Variants in UNC80 observed in about 807,000 individuals in gnomAD.
UNC80 encodes unc-80 subunit of NALCN channel complex, also known as protein unc-80 homolog.
UNC80 carries 164 observed loss-of-function variants against 384.6 expected under a neutral mutation model. The ratio of observed to expected loss-of-function variants is 0.43; its 90% CI spans 0.38 to 0.49. The LOEUF is 0.49. Ranked by LOEUF, UNC80 falls within the 20% of genes least tolerant of loss-of-function variation. The pLI, the probability that UNC80 is intolerant of heterozygous loss-of-function variation, is 0.00. For synonymous variants in UNC80, 1,486 were observed against 1,527.8 expected (o/e 0.97, Z 0.64); for missense variants, 3,330 against 4,143.0 (o/e 0.80, Z 5.39).
chr2:209,833,509 C>CT (rs759238595), intron 16 of UNC80, among the ~76,000 whole-genome samples: 1 of 152,164 alleles, frequency 6.6e-6, no homozygotes, highest in East Asian at 1.9e-4. Flanking sequence ...CAGCAAAACA[C>CT]ATCATCCTTT....
At position 209,875,494 on chromosome 2, in the gene UNC80, C is replaced by A. The variant is rs1177918601; in HGVS notation, c.3841-2460C>A. Among the ~76,000 whole-genome samples, 5 of 152,186 alleles carry A rather than the reference C, an allele frequency of 3.3e-5. 1 individual carries two copies. On this transcript the variant is annotated intron_variant, in intron 23 of 64. Transcript: ENST00000673920. ...CAGAGTCCATGCTTGTCTCAGCATT[C>A]CTGGGTAGCTAGTACAACATCCCTG...
chr2:209,889,475 C>A (rs1168160423), intron 26 of UNC80, among the ~76,000 whole-genome samples: 1 of 152,090 alleles, frequency 6.6e-6, no homozygotes, highest in African/African-American at 2.4e-5. Context: ...TGTTTCTGTC[C>A]CTCTGTCCCT....
In UNC80 at chr2:209,978,679, T is replaced by C. The variant is rs1027652435; in HGVS notation, c.9089T>C (p.Leu3030Pro). The change falls in exon 59 of 65, where the codon CTG becomes CCG. Residue 3030 changes from leucine (L) to proline (P), a missense_variant. Physicochemically the swap from Leu to Pro is moderately conservative, Grantham distance 98. Around this residue, in one of 8 missense-constraint regions of UNC80, gnomAD observed 216 missense variants for 245.3 expected, o/e 0.88. Transcript: ENST00000673920. ...EPSQQASQDT[L>P]SRTDEEDEEN... ...TCCCAGCAGGCTTCGCAGGACACCC[T>C]GAGTCGGACTGATGAGGAAGATGAG... is the stretch of plus-strand genomic sequence containing the variant. The C allele has an allele frequency of 1.3e-6, 2 of 1,547,028 alleles. No individual in the cohort carries two copies. The highest frequency in any genetic ancestry group is 1.7e-6 in the Non-Finnish European group (2 of 1,143,380).
In UNC80 at chr2:209,896,404, G is replaced by A. The variant is rs200541732; in HGVS notation, c.4572G>A (p.Ser1524=). The change falls in exon 28 of 65, where the codon TCG becomes TCA. Residue 1524 remains serine, a synonymous_variant. Transcript: ENST00000673920. ...GAEENYHRNM[S]WLHVMILLCN... ...AGGAGAATTACCACAGAAACATGTC[G>A]TGGCTTCATGTAAGTAGGAATCTCA... 1,977 of 1,551,424 alleles carry A rather than the reference G, an allele frequency of 1.3e-3. 4 individuals carry two copies. Among genetic ancestry groups the A allele is most frequent in the Non-Finnish European group, 1.6e-3 (1,857 of 1,146,824 alleles).
intron 7 of UNC80, among the ~76,000 whole-genome samples, chr2:209,810,878 C>G (rs2153827055): frequency 6.6e-6 from 1 of 152,164 alleles, no homozygotes; most frequent in African/African-American, 2.4e-5. Flanking sequence ...CCTAAAATTA[C>G]CCAGCTGGTA....
intron 25 of UNC80, 83 bp from the exon 26 acceptor site, chr2:209,888,012 T>A: frequency 1.4e-6 from 2 of 1,397,694 alleles, no homozygotes; most frequent in Non-Finnish European, 1.9e-6. Flanking sequence ...TGTGTATAAT[T>A]CAAAATGGTG....
chr2:209,895,628 A>G (rs919279051), intron 27 of UNC80, among the ~76,000 whole-genome samples: 1 of 152,244 alleles, frequency 6.6e-6, no homozygotes. Context: ...TTGAGTCAAA[A>G]TAGCCAGGTT....
chr2:209,993,454 A>G, intron 63 of UNC80, 28 bp downstream of exon 63: 1 of 1,536,552 alleles, frequency 6.5e-7, no homozygotes, highest in Admixed American at 2.0e-5. Flanking sequence ...CCTTCTGACT[A>G]TACCATTGAC....
intron 53 of UNC80, among the ~76,000 whole-genome samples, chr2:209,970,481 A>G (rs1261775691): frequency 2.0e-5 from 3 of 152,226 alleles, no homozygotes; most frequent in Non-Finnish European, 2.9e-5. Context: ...AGCTGTTGCC[A>G]TCATCATTGT....
rs1466053170 is a variant in UNC80 at position 209,834,169 on chromosome 2, G to T, written c.2942+1G>T. ...AATCTAAGCCTGCAGGCAGTAAAAG[G>T]TTGGAAGCTTGAACTCTCTGAATAT... On this transcript the variant is annotated splice_donor_variant, in intron 17 of 64. Coordinates refer to ENST00000673920, the MANE Select transcript of UNC80 (RefSeq NM_001371986.1). LOFTEE classifies it high-confidence loss of function. 6.4e-7 allele frequency: 1 copy of T among 1,551,420 alleles called. No homozygotes were observed.
intron 25 of UNC80, 99 bp downstream of exon 25, chr2:209,881,193 T>C: frequency 7.5e-7 from 1 of 1,328,220 alleles, no homozygotes. Flanking sequence ...GTTCCATGGC[T>C]AGTGTATCAC....
At chr2:209,906,049 T>A (rs1261059879) in intron 29 of UNC80, among the ~76,000 whole-genome samples, 1 of 152,144 alleles carries the variant, frequency 6.6e-6, no homozygotes, top group Non-Finnish European at 1.5e-5. Context: ...GTTGGCACAA[T>A]ATTAGGCTAG....
intron 29 of UNC80, among the ~76,000 whole-genome samples, chr2:209,909,945 C>A (rs1223979527): frequency 3.3e-5 from 5 of 151,800 alleles, no homozygotes; most frequent in Admixed American, 6.6e-5. Flanking sequence ...ACTAATTTAT[C>A]AATACCAAAG....
At chr2:209,816,557 A>G (rs2079751744) in intron 9 of UNC80, among the ~76,000 whole-genome samples, 1 of 152,180 alleles carries the variant, frequency 6.6e-6, no homozygotes, top group Non-Finnish European at 1.5e-5. Flanking sequence ...TAAGACACAC[A>G]TTGCTGGACC....
At chr2:209,833,276 C>CAAAAAAAAAAAAAAAAAAA (rs554565630) in intron 16 of UNC80, among the ~76,000 whole-genome samples, 1 of 97,376 alleles carries the variant, frequency 1.0e-5, no homozygotes, top group South Asian at 3.7e-4. Flanking sequence ...TTTCCTAAGG[C>CAAAAAAAAAAAAAAAAAAA]AAAAAAAAAA....
chr2:209,994,045 T>C lies in UNC80; in HGVS notation c.9509-20T>C, dbSNP rs1168459724. The C allele has an allele frequency of 2.0e-6, 3 of 1,534,920 alleles. No homozygotes were observed. Among genetic ancestry groups the C allele is most frequent in the Middle Eastern group, 3.4e-4 (2 of 5,902 alleles). On this transcript the variant is annotated intron_variant, in intron 63 of 64. Coordinates refer to ENST00000673920, the MANE Select transcript of UNC80 (RefSeq NM_001371986.1). The stretch of plus-strand genomic sequence containing the variant: ...TTCCACCAACTCCTCCCCAATTTAC[T>C]GTTTCACCTCTACCTGCAGCGGATC...
In UNC80 at chr2:209,861,193, A is replaced by T. The variant is rs373656545; in HGVS notation, c.3628-11565A>T. 7.2e-5 allele frequency among the ~76,000 whole-genome samples: 11 copies of T among 152,280 alleles called. No individual in the cohort carries two copies. In the East Asian group the frequency reaches 1.4e-3, roughly 19 times the overall value. On this transcript the variant is annotated intron_variant, in intron 22 of 64. Transcript: ENST00000673920. The stretch of plus-strand genomic sequence containing the variant: ...GATATTGGCTGTGGGTTTGTCATCG[A>T]TAGCTCTTATTATTTTGAGATATGT...
chr2:209,840,398 A>C, intron 19 of UNC80, 144 bp from the exon 20 acceptor site: 1 of 678,418 alleles, frequency 1.5e-6, no homozygotes, highest in South Asian at 2.0e-5. Context: ...TTTTATTCAA[A>C]GCATGTACAT....
At chr2:209,779,296 G>A (rs1043413442) in intron 4 of UNC80, among the ~76,000 whole-genome samples, 29 of 151,952 alleles carry the variant, frequency 1.9e-4, no homozygotes, top group Non-Finnish European at 3.4e-4. Context: ...CCTCAAACTT[G>A]ACAAGTGCAT....
Sources: gnomAD v4.1 joint callset for allele counts (sites outside exome capture counted in the v4.1 genomes callset) on GRCh38, gnomAD v4.1.1 for gene constraint, gnomAD v4.1.1 regional missense constraint, MANE v1.5 for transcripts, NCBI Gene and HGNC (gene_info 2026-07-23, HGNC 2026-07-21) for gene names.